Variants in RGS6 observed in about 807,000 individuals in gnomAD.
RGS6 encodes the protein regulator of G-protein signaling 6.
RGS6 carries 30 observed loss-of-function variants against 78.5 expected under a neutral mutation model. The ratio of observed to expected loss-of-function variants is 0.38; its 90% CI spans 0.29 to 0.52. The LOEUF is 0.52. RGS6 is among the 20% of genes least tolerant of loss of function. The probability of loss-of-function intolerance (pLI) is 0.85; values close to 1 mark genes in which losing one functional copy is unlikely to be tolerated. For missense variants in RGS6, 495 were observed against 609.7 expected (o/e 0.81, Z 1.98); for synonymous variants, 206 against 206.0 (o/e 1.00, Z 0.00).
At chr14:72,604,289 G>A in the RGS6 span, among the ~76,000 whole-genome samples, 21 of 152,288 alleles carry the variant, frequency 1.4e-4, no homozygotes, top group South Asian at 4.2e-4. Context: ...ACGGAGGCGG[G>A]TTTGTTCAAA....
At chr14:72,091,311 C>G (rs971794447) in intron 2 of RGS6, among the ~76,000 whole-genome samples, 2 of 152,168 alleles carry the variant, frequency 1.3e-5, no homozygotes, top group African/African-American at 4.8e-5. Flanking sequence ...AGAGGAGTCC[C>G]GGACACCACT....
At chr14:72,445,445 C>A (rs537705352) in intron 3 of RGS6, among the ~76,000 whole-genome samples, 2 of 151,960 alleles carry the variant, frequency 1.3e-5, no homozygotes, top group East Asian at 3.9e-4. Flanking sequence ...CTGCCTTGGC[C>A]TCCCAAAGTG....
chr14:71,870,357 A>G, the RGS6 span, among the ~76,000 whole-genome samples: 1 of 152,184 alleles, frequency 6.6e-6, no homozygotes, highest in Non-Finnish European at 1.5e-5. Flanking sequence ...GCTAATTTAC[A>G]TTACTACCTC....
chr14:72,322,433 G>C (rs1352702552), intron 2 of RGS6, among the ~76,000 whole-genome samples: 1 of 151,884 alleles, frequency 6.6e-6, no homozygotes, highest in Non-Finnish European at 1.5e-5. Context: ...CAAACCTCTT[G>C]AAAGAAAACA....
the RGS6 span, among the ~76,000 whole-genome samples, chr14:72,598,992 G>A: frequency 6.6e-6 from 1 of 151,844 alleles, no homozygotes; most frequent in East Asian, 1.9e-4. Context: ...GAGACCCAGT[G>A]CAGCCACGGG....
chr14:71,887,683 C>G, the RGS6 span, among the ~76,000 whole-genome samples: 1 of 152,176 alleles, frequency 6.6e-6, no homozygotes, highest in Non-Finnish European at 1.5e-5. Flanking sequence ...GTTCTCTGCT[C>G]TCAAACCCTG....
intron 2 of RGS6, among the ~76,000 whole-genome samples, chr14:72,035,643 G>T (rs78397312): frequency 0.026 from 3,938 of 152,086 alleles, 54 homozygotes; most frequent in Middle Eastern, 0.037. Context: ...CATCCTATAT[G>T]TTTTGCAATG....
At chr14:71,978,753 G>A (rs1446147777) in intron 2 of RGS6, among the ~76,000 whole-genome samples, 2 of 152,140 alleles carry the variant, frequency 1.3e-5, no homozygotes, top group Admixed American at 1.3e-4. Flanking sequence ...GCCAGGCTTT[G>A]GTATCAGGGT....
chr14:72,626,648 C>A, the RGS6 span, among the ~76,000 whole-genome samples: 1 of 152,066 alleles, frequency 6.6e-6, no homozygotes, highest in African/African-American at 2.4e-5. Flanking sequence ...CACAAATAAC[C>A]TTATGCATTC....
intron 2 of RGS6, among the ~76,000 whole-genome samples, chr14:72,209,259 G>A (rs545075159): frequency 1.6e-4 from 25 of 152,184 alleles, no homozygotes; most frequent in African/African-American, 3.4e-4. Context: ...TAATATATGC[G>A]TACGTTTAGT....
the RGS6 span, among the ~76,000 whole-genome samples, chr14:72,580,479 C>T: frequency 6.6e-5 from 10 of 152,166 alleles, no homozygotes; most frequent in South Asian, 2.1e-4. Context: ...AGCCCACAGC[C>T]ATCTGCCTTT....
At chr14:72,547,416 G>A (rs963563482) in intron 17 of RGS6, 3 of 1,227,112 alleles carry the variant, frequency 2.4e-6, no homozygotes, top group Middle Eastern at 1.9e-4. Context: ...TGAGCTCCTG[G>A]TGGAAACAAC....
chr14:72,091,312 G>A (rs10139520), intron 2 of RGS6, among the ~76,000 whole-genome samples: 32,924 of 152,108 alleles, frequency 0.22, 4,517 homozygotes, highest in East Asian at 0.38. Context: ...GAGGAGTCCC[G>A]GACACCACTG....
chr14:72,554,698 C>T (rs1016501347), intron 17 of RGS6, among the ~76,000 whole-genome samples: 1 of 151,960 alleles, frequency 6.6e-6, no homozygotes, highest in African/African-American at 2.4e-5. Flanking sequence ...TTCCTGCAAG[C>T]TGAGAGAAGA....
At chr14:72,098,613 A>G (rs2095461781) in intron 2 of RGS6, among the ~76,000 whole-genome samples, 1 of 152,226 alleles carries the variant, frequency 6.6e-6, no homozygotes, top group Non-Finnish European at 1.5e-5. Context: ...AGTTGCCAAC[A>G]TTTATCAGGA....
At chr14:72,519,557 C>G (rs548686895) in intron 15 of RGS6, among the ~76,000 whole-genome samples, 1 of 152,318 alleles carries the variant, frequency 6.6e-6, no homozygotes, top group South Asian at 2.1e-4. Context: ...TTGCTCAGAA[C>G]TTCAAGATGG....
chr14:72,348,149 A>G (rs2681741), intron 2 of RGS6, among the ~76,000 whole-genome samples: 82,234 of 151,926 alleles, frequency 0.54, 24,534 homozygotes, highest in African/African-American at 0.81. Flanking sequence ...TGCCCCCATT[A>G]CTGAACCTAA....
intron 2 of RGS6, among the ~76,000 whole-genome samples, chr14:72,057,269 G>C (rs1014074122): frequency 7.4e-6 from 1 of 135,596 alleles, no homozygotes; most frequent in Non-Finnish European, 1.5e-5. Flanking sequence ...AGCTAAGATC[G>C]TGCCATTGCA....
intron 2 of RGS6, among the ~76,000 whole-genome samples, chr14:72,261,043 G>A (rs940110597): frequency 6.6e-6 from 1 of 152,174 alleles, no homozygotes; most frequent in African/African-American, 2.4e-5. Flanking sequence ...AGTAGAAGAT[G>A]TGTGTTTTGG....
Sources: allele counts gnomAD v4.1 joint callset (sites outside exome capture counted in the v4.1 genomes callset), GRCh38; gene constraint gnomAD v4.1.1; transcripts MANE v1.5; gene names NCBI Gene and HGNC (gene_info 2026-07-23, HGNC 2026-07-21).